ZNF280C: variants seen among roughly 807,000 people sequenced by gnomAD.
The protein encoded by ZNF280C is zinc finger protein 280C.
A neutral mutation model predicts 53.6 loss-of-function variants in ZNF280C; 14 were observed. The observed-to-expected ratio is 0.26, with a 90% CI of 0.17 to 0.41. The LOEUF is 0.41. Among genes scored for constraint, ZNF280C ranks in the 10% least tolerant of loss-of-function variants. The probability of loss-of-function intolerance (pLI) is 1.00; values close to 1 mark genes in which losing one functional copy is unlikely to be tolerated. For missense variants in ZNF280C, 416 were observed against 547.1 expected, an observed-to-expected ratio of 0.76 and a Z score of 2.39; for synonymous variants, 203 against 181.1, an observed-to-expected ratio of 1.12 and a Z score of -0.97.
chrX:130,260,220 T>G (rs1307060752), intron 2 of ZNF280C, among the ~76,000 whole-genome samples, 199 bp downstream of exon 2: 1 of 110,927 alleles, frequency 9.0e-6, no homozygotes, highest in African/African-American at 3.3e-5. Context: ...AGGTGGAGCT[T>G]GCAGTGAGCT....
At chrX:130,265,097 C>A (rs1029864779) in intron 1 of ZNF280C, among the ~76,000 whole-genome samples, 2 of 111,791 alleles carry the variant, frequency 1.8e-5, no homozygotes, top group Admixed American at 9.5e-5. Flanking sequence ...AAAGCCTGAA[C>A]ACATGAAGTC....
intron 5 of ZNF280C, among the ~76,000 whole-genome samples, chrX:130,241,415 G>A (rs895361875): frequency 8.9e-6 from 1 of 112,096 alleles, no homozygotes; most frequent in Admixed American, 9.5e-5. Flanking sequence ...GAGACTTAGG[G>A]AACCGTAAGG....
In ZNF280C at chrX:130,230,534, G is replaced by A. The variant is rs781133950; in HGVS notation, c.965C>T (p.Ser322Leu). Residue 322 changes from serine to leucine, a missense_variant, in exon 9 of 19, where the codon TCG becomes TTG. By Grantham distance (145) the Ser-to-Leu change is moderately radical. Around this residue, in one of 3 missense-constraint regions of ZNF280C, gnomAD observed 72 missense variants for 168.8 expected, o/e 0.43. Transcript: ENST00000370978. ...TYTTFKCFSC[S>L]KVLKNNIRFM... ...CCTAATATTATTTTTAAGAACTTTCGAGCAACTGAAGCATTTAAAGGTTGT... is the reference window on the plus strand; with the variant it reads ...CCTAATATTATTTTTAAGAACTTTCAAGCAACTGAAGCATTTAAAGGTTGT... The A allele has an allele frequency of 1.7e-6, 2 of 1,198,733 alleles. No homozygotes were observed. The highest frequency in any genetic ancestry group is 3.0e-5 in the East Asian group (1 of 33,626).
At position 130,252,223 on chromosome X, in the gene ZNF280C, G is replaced by A. The variant is rs561150314; in HGVS notation, c.32-5218C>T. Among the ~76,000 whole-genome samples, 11 of 112,323 alleles carry A rather than the reference G, an allele frequency of 9.8e-5. No individual in the cohort carries two copies. The South Asian group carries it at 4.0e-3, about 41-fold the overall frequency. Reference sequence around the variant, plus strand: ...TGCAAAAATCCTCAACAAAATATTGGCAAACCGAATACAGCAGCACATCAA... The same window carrying A: ...TGCAAAAATCCTCAACAAAATATTGACAAACCGAATACAGCAGCACATCAA... On this transcript the variant is annotated intron_variant, in intron 2 of 18. Coordinates refer to ENST00000370978, the MANE Select transcript of ZNF280C (RefSeq NM_017666.5).
chrX:130,247,558 A>G (rs907147636), intron 2 of ZNF280C, among the ~76,000 whole-genome samples: 6 of 111,979 alleles, frequency 5.4e-5, no homozygotes, highest in African/African-American at 1.6e-4. Context: ...AATCTCTAAG[A>G]TCTAAACCAG....
chrX:130,221,298 A>G (rs1164239923), intron 12 of ZNF280C, among the ~76,000 whole-genome samples: 1 of 111,975 alleles, frequency 8.9e-6, no homozygotes, highest in Non-Finnish European at 1.9e-5. Flanking sequence ...AGAAAATCTC[A>G]GCTAAGTAAT....
chrX:130,222,915 G>A, intron 12 of ZNF280C, among the ~76,000 whole-genome samples: 1 of 112,016 alleles, frequency 8.9e-6, no homozygotes, highest in Non-Finnish European at 1.9e-5. Flanking sequence ...CCAAAGAGCT[G>A]GGATTACAGG....
At chrX:130,207,069 C>T (rs1464792728) in intron 16 of ZNF280C, among the ~76,000 whole-genome samples, 1 of 111,244 alleles carries the variant, frequency 9.0e-6, no homozygotes, top group Non-Finnish European at 1.9e-5. Context: ...CCCTTTGATT[C>T]TGAAGCCCAT....
intron 2 of ZNF280C, among the ~76,000 whole-genome samples, chrX:130,258,306 T>C (rs2032596365): frequency 8.9e-6 from 1 of 111,793 alleles, no homozygotes; most frequent in Middle Eastern, 4.2e-3. Flanking sequence ...TTTTACTATA[T>C]TAAAATAATG....
chrX:130,227,037 C>A, intron 11 of ZNF280C, 132 bp from the exon 12 acceptor site: 1 of 507,451 alleles, frequency 2.0e-6, no homozygotes. Flanking sequence ...CCTATACAAC[C>A]AAGAATCATA....
At chrX:130,245,901 C>T (rs1288707904) in intron 3 of ZNF280C, among the ~76,000 whole-genome samples, 2 of 109,924 alleles carry the variant, frequency 1.8e-5, no homozygotes, top group Admixed American at 9.8e-5. Flanking sequence ...TCTCATGCCT[C>T]AGCCTCCTGA....
Position 130,246,956 on chromosome X carries a change from T to C in ZNF280C, c.81A>G (p.Leu27=), listed in dbSNP as rs766725057. The stretch of plus-strand genomic sequence containing the variant: ...CTTCTACTTTCTTCTGCCATGGCTC[T>C]AGCTCTTCTTCTTCACATTCCATAA... ...ELFMECEEEE[L]EPWQKKVEET... is the part of the protein sequence containing the mutation. Residue 27 remains leucine (L), a synonymous_variant, in exon 3 of 19, where the codon CTA becomes CTG. Transcript: ENST00000370978. 16 of 1,210,504 alleles carry C rather than the reference T, an allele frequency of 1.3e-5. No individual in the cohort carries two copies. In the South Asian group the frequency reaches 1.8e-4, roughly 13 times the overall value.
intron 2 of ZNF280C, among the ~76,000 whole-genome samples, chrX:130,254,621 G>C (rs777191794): frequency 4.5e-5 from 5 of 111,721 alleles, no homozygotes; most frequent in Admixed American, 1.9e-4. Context: ...CATGGATGGA[G>C]CTGGAGACCA....
chrX:130,239,737 G>A, intron 5 of ZNF280C, 44 bp from the exon 6 acceptor site: 1 of 778,882 alleles, frequency 1.3e-6, no homozygotes. Flanking sequence ...CTTTTATAGA[G>A]ATAAATTTAG....
At chrX:130,213,405 G>T (rs2032064486) in intron 15 of ZNF280C, among the ~76,000 whole-genome samples, 1 of 110,955 alleles carries the variant, frequency 9.0e-6, no homozygotes, top group Admixed American at 9.6e-5. Context: ...AAACAAAGCG[G>T]TATTTTTAAA....
At chrX:130,226,654 T>C in intron 12 of ZNF280C, 105 bp downstream of exon 12, 1 of 821,498 alleles carries the variant, frequency 1.2e-6, no homozygotes. Context: ...ATCTAACCAA[T>C]GTTCTACGTT....
chrX:130,209,541 A>C, intron 16 of ZNF280C, 112 bp downstream of exon 16: 1 of 710,955 alleles, frequency 1.4e-6, no homozygotes, highest in Middle Eastern at 4.6e-4. Context: ...ACTTTGGTCC[A>C]AGGACATAAT....
rs934283059 is a variant in ZNF280C, at chrX:130,259,268, T to A, written c.31+1151A>T. On this transcript the variant is annotated intron_variant, in intron 2 of 18. Transcript: ENST00000370978. ...TACACACAGTAGTGTATTGGATATG[T>A]AGTAGGTACTTAACACATGATTATC... Among the ~76,000 whole-genome samples, 4 of 112,305 alleles carry A rather than the reference T, an allele frequency of 3.6e-5. No homozygotes were observed. The Admixed American group carries it at 3.8e-4, about 11-fold the overall frequency.
chrX:130,258,125 TAA>T (rs2124716306), intron 2 of ZNF280C, among the ~76,000 whole-genome samples: 1 of 110,789 alleles, frequency 9.0e-6, no homozygotes, highest in Non-Finnish European at 1.9e-5. Flanking sequence ...CTCAAAAAAA[TAA>T]AAAATAAATA....
Sources: allele counts gnomAD v4.1 joint callset (sites outside exome capture counted in the v4.1 genomes callset), GRCh38; gene constraint gnomAD v4.1.1; regional missense constraint gnomAD v4.1.1; transcripts MANE v1.5; gene names NCBI Gene and HGNC (gene_info 2026-07-23, HGNC 2026-07-21).